TMEM132D: variants seen among roughly 807,000 people sequenced by gnomAD.
The protein encoded by TMEM132D is transmembrane protein 132D.
TMEM132D carries 21 observed loss-of-function variants against 62.3 expected under a neutral mutation model. The observed-to-expected ratio is 0.34, with a 90% CI of 0.24 to 0.49. TMEM132D has a LOEUF of 0.49. TMEM132D is among the 20% of genes least tolerant of loss of function. The pLI, the probability that TMEM132D is intolerant of heterozygous loss-of-function variation, is 0.99. For synonymous variants in TMEM132D, 621 were observed against 575.6 expected (o/e 1.08, Z -1.13); for missense variants, 1,346 against 1,402.8 (o/e 0.96, Z 0.65).
intron 2 of TMEM132D, among the ~76,000 whole-genome samples, chr12:129,590,978 G>A (rs111495835): frequency 2.0e-4 from 31 of 152,292 alleles, no homozygotes; most frequent in African/African-American, 4.8e-5. Context: ...CAGTGGTCAC[G>A]CTGACCATGT....
At position 129,074,526 on chromosome 12, in the gene TMEM132D, G is replaced by T. The variant is rs111502893; in HGVS notation, c.2649C>A (p.Ser883Arg). 6.2e-7 allele frequency: 1 copy of T among 1,614,070 alleles called. No individual in the cohort carries two copies. The highest frequency in any genetic ancestry group is 8.5e-7 in the Non-Finnish European group (1 of 1,180,036). The change falls in exon 9 of 9, where the codon AGC becomes AGA. Residue 883 changes from serine (S) to arginine (R), a missense_variant. Transcript: ENST00000422113. ...CCTGGGCTGGGAAGCTGGTGAGGTC[G>T]CTGGGGATGGTCTGCAAGTGGCTGT... The part of the protein sequence containing the change: ...DDNSHLQTIP[S>R]DLTSFPAQVD...
intron 1 of TMEM132D, among the ~76,000 whole-genome samples, chr12:129,835,057 C>A (rs1363964506): frequency 1.3e-5 from 2 of 152,130 alleles, no homozygotes; most frequent in African/African-American, 4.8e-5. Flanking sequence ...AGGACACATG[C>A]CCACATGGCC....
intron 3 of TMEM132D, among the ~76,000 whole-genome samples, chr12:129,384,934 C>T (rs1871062772): frequency 6.6e-6 from 1 of 152,010 alleles, no homozygotes. Flanking sequence ...AGATTTGAGC[C>T]CATCAGCCCA....
At chr12:129,213,668 A>G (rs1045208168) in intron 4 of TMEM132D, among the ~76,000 whole-genome samples, 1 of 152,184 alleles carries the variant, frequency 6.6e-6, no homozygotes, top group Admixed American at 6.5e-5. Context: ...ATCACCTAGT[A>G]GTAGAGGAAG....
intron 4 of TMEM132D, among the ~76,000 whole-genome samples, chr12:129,244,326 C>T (rs1880022540): frequency 6.9e-6 from 1 of 145,734 alleles, no homozygotes; most frequent in South Asian, 2.2e-4. Context: ...GCGGAGCTTG[C>T]AGTGAGCCGA....
At chr12:129,682,278 G>C (rs1474831927) in intron 2 of TMEM132D, among the ~76,000 whole-genome samples, 1 of 152,200 alleles carries the variant, frequency 6.6e-6, no homozygotes, top group Non-Finnish European at 1.5e-5. Flanking sequence ...GTGCCACCAA[G>C]TGTGCTCAAG....
chr12:129,780,346 G>GC (rs879676716), intron 1 of TMEM132D, among the ~76,000 whole-genome samples: 3,597 of 151,650 alleles, frequency 0.024, 109 homozygotes, highest in East Asian at 0.15. Context: ...GGGAGGGGGG[G>GC]GGCCGGGGGG....
intron 5 of TMEM132D, among the ~76,000 whole-genome samples, chr12:129,095,473 G>C (rs1432537043): frequency 2.0e-5 from 3 of 150,186 alleles, no homozygotes; most frequent in South Asian, 2.1e-4. Flanking sequence ...TCCTGCCTCA[G>C]CCTCCCAAGT....
intron 4 of TMEM132D, among the ~76,000 whole-genome samples, chr12:129,317,231 T>C (rs1455467527): frequency 6.6e-6 from 1 of 152,232 alleles, no homozygotes; most frequent in Non-Finnish European, 1.5e-5. Flanking sequence ...TTTTGTTTTA[T>C]AAATCCTGTG....
intron 5 of TMEM132D, among the ~76,000 whole-genome samples, chr12:129,090,405 C>T (rs1031275272): frequency 1.3e-5 from 2 of 152,186 alleles, no homozygotes; most frequent in African/African-American, 4.8e-5. Flanking sequence ...CAGGCTCACA[C>T]CTTTAATCCC....
intron 2 of TMEM132D, among the ~76,000 whole-genome samples, chr12:129,539,411 T>TC (rs1443664338): frequency 6.8e-6 from 1 of 147,102 alleles, no homozygotes; most frequent in African/African-American, 2.5e-5. Context: ...TTTTCTTTTT[T>TC]TTTTTTTTTT....
intron 5 of TMEM132D, among the ~76,000 whole-genome samples, chr12:129,181,651 G>T (rs1878067945): frequency 6.6e-6 from 1 of 152,132 alleles, no homozygotes; most frequent in African/African-American, 2.4e-5. Flanking sequence ...AGACAAACCT[G>T]ACAGGCACAG....
chr12:129,486,720 G>A (rs781168275), intron 3 of TMEM132D, among the ~76,000 whole-genome samples: 2 of 152,116 alleles, frequency 1.3e-5, no homozygotes, highest in Non-Finnish European at 2.9e-5. Flanking sequence ...CATGCCTGTG[G>A]TTCTTCTCAC....
chr12:129,539,403 T>TTG (rs1344689669), intron 2 of TMEM132D, among the ~76,000 whole-genome samples: 2 of 106,364 alleles, frequency 1.9e-5, no homozygotes, highest in East Asian at 5.4e-4. Context: ...GGCTAATTTT[T>TTG]TCTTTTTTTT....
intron 1 of TMEM132D, among the ~76,000 whole-genome samples, chr12:129,751,215 G>A (rs545225368): frequency 1.3e-5 from 2 of 152,252 alleles, no homozygotes; most frequent in South Asian, 4.1e-4. Context: ...AATCATGACT[G>A]GGGGAGCCTC....
chr12:129,092,303 C>CT (rs3045890), intron 5 of TMEM132D, among the ~76,000 whole-genome samples: 7,865 of 133,832 alleles, frequency 0.059, 546 homozygotes, highest in East Asian at 0.18. Context: ...TCTCTCTTTC[C>CT]TTTTTTTTTT....
chr12:129,427,909 G>A (rs1020765369), intron 3 of TMEM132D, among the ~76,000 whole-genome samples: 3 of 145,392 alleles, frequency 2.1e-5, no homozygotes, highest in South Asian at 2.3e-4. Flanking sequence ...GAGTTGATCC[G>A]AAACACCTTA....
intron 1 of TMEM132D, among the ~76,000 whole-genome samples, chr12:129,738,295 G>A (rs1869490654): frequency 6.6e-6 from 1 of 151,860 alleles, no homozygotes; most frequent in Admixed American, 6.6e-5. Flanking sequence ...AATACATAGA[G>A]TGGACTCTGT....
chr12:129,565,724 C>T (rs1237867084), intron 2 of TMEM132D, among the ~76,000 whole-genome samples: 1 of 152,200 alleles, frequency 6.6e-6, no homozygotes, highest in Non-Finnish European at 1.5e-5. Flanking sequence ...CAGCTCCCAG[C>T]TGGGTCAGCC....
Sources: gnomAD v4.1 joint callset for allele counts (sites outside exome capture counted in the v4.1 genomes callset) on GRCh38, gnomAD v4.1.1 for gene constraint, MANE v1.5 for transcripts, NCBI Gene and HGNC (gene_info 2026-07-23, HGNC 2026-07-21) for gene names.